Variants in KNTC1 observed in about 807,000 individuals in gnomAD.
The protein encoded by KNTC1 is kinetochore-associated protein 1.
Under a neutral mutation model 314.4 loss-of-function variants are expected in KNTC1, and 253 were observed. That is an observed-to-expected ratio of 0.80 (90% CI 0.73 to 0.89). KNTC1 has a LOEUF of 0.89. KNTC1 is among the 40% of genes least tolerant of loss of function. The probability of loss-of-function intolerance (pLI) is 0.00; values close to 1 mark genes in which losing one functional copy is unlikely to be tolerated. For synonymous variants in KNTC1, 901 were observed against 901.4 expected (o/e 1.00, Z 0.01); for missense variants, 2,475 against 2,572.9 (o/e 0.96, Z 0.82).
At chr12:122,567,259 A>G (rs1054787545) in intron 20 of KNTC1, among the ~76,000 whole-genome samples, 6 of 151,434 alleles carry the variant, frequency 4.0e-5, no homozygotes, top group African/African-American at 1.5e-4. Flanking sequence ...TAATAGAGAC[A>G]GGGTTTCACC....
At chr12:122,597,181 T>G (rs1162155912) in intron 43 of KNTC1, 2 of 152,694 alleles carry the variant, frequency 1.3e-5, no homozygotes, top group African/African-American at 4.8e-5. Context: ...ATTTTCAATT[T>G]TATTACAGAT....
In KNTC1 at chr12:122,573,011, G is replaced by A; in HGVS notation, c.2094G>A (p.Leu698=). ...LVNNLRELIT[L]HRKYNCKLAL... is the part of the protein sequence containing the mutation. ...ATAACTTGCGAGAGTTGATCACGTT[G>A]CATAGGAAGTACAACTGCAAATTAG... Residue 698 remains leucine (L), a synonymous_variant, in exon 25 of 64, where the codon TTG becomes TTA. Coordinates refer to ENST00000333479, the MANE Select transcript of KNTC1 (RefSeq NM_014708.6). 6.2e-7 allele frequency: 1 copy of A among 1,610,944 alleles called. No homozygotes were observed. Among genetic ancestry groups the A allele is most frequent in the Non-Finnish European group, 8.5e-7 (1 of 1,178,200 alleles).
chr12:122,622,436 T>C (rs1295504941), intron 61 of KNTC1, 26 bp from the exon 62 acceptor site: 3 of 1,503,384 alleles, frequency 2.0e-6, no homozygotes, highest in Non-Finnish European at 2.7e-6. Flanking sequence ...AGAAGTCTGA[T>C]CTTAATGATA....
At chr12:122,577,163 T>C (rs1965087283) in intron 30 of KNTC1, 134 bp downstream of exon 30, 2 of 617,302 alleles carry the variant, frequency 3.2e-6, no homozygotes, top group African/African-American at 1.9e-5. Flanking sequence ...TTGGTCACGC[T>C]GGTCTCAAAC....
At position 122,574,109 on chromosome 12, in the gene KNTC1, A is replaced by G. The variant is rs148688573; in HGVS notation, c.2284-173A>G. ...TAAAACTAAAGGCTAATGTTTTGGC[A>G]GTTTTGTATTTTTAGACCATTGTTC... On this transcript the variant is annotated intron_variant, in intron 26 of 63. Transcript: ENST00000333479. 8.6e-3 allele frequency among the ~76,000 whole-genome samples: 1,309 copies of G among 152,240 alleles called. 17 individuals are homozygous for G. Among genetic ancestry groups the G allele is most frequent in the African/African-American group, 0.03 (1,266 of 41,552 alleles).
intron 61 of KNTC1, 65 bp downstream of exon 61, chr12:122,622,035 C>A: frequency 3.5e-6 from 4 of 1,143,534 alleles, no homozygotes; most frequent in South Asian, 1.4e-5. Flanking sequence ...GTCATTTTCC[C>A]AAACCAAGAG....
chr12:122,541,429 C>G (rs1244899135), intron 5 of KNTC1, among the ~76,000 whole-genome samples: 1 of 151,256 alleles, frequency 6.6e-6, no homozygotes, highest in African/African-American at 2.4e-5. Context: ...TCACTGCAAC[C>G]TCCACTACCC....
At chr12:122,540,480 T>A (rs1326558033) in intron 5 of KNTC1, among the ~76,000 whole-genome samples, 1 of 152,194 alleles carries the variant, frequency 6.6e-6, no homozygotes, top group African/African-American at 2.4e-5. Context: ...TTATACATTT[T>A]TTTCTATCAA....
intron 9 of KNTC1, 65 bp from the exon 10 acceptor site, chr12:122,546,556 GT>G: frequency 1.9e-6 from 2 of 1,068,150 alleles, no homozygotes; most frequent in Non-Finnish European, 2.7e-6. Context: ...GAATATGTTA[GT>G]TTTTTATTTA....
At chr12:122,612,414 CTTTTTCTTT>C (rs775535115) in intron 53 of KNTC1, among the ~76,000 whole-genome samples, 2 of 144,694 alleles carry the variant, frequency 1.4e-5, no homozygotes, top group Admixed American at 7.0e-5. Flanking sequence ...TTTTCTTTTT[CTTTTTCTTT>C]TTTTTTTTTT....
chr12:122,615,650 A>G lies in KNTC1; in HGVS notation c.6030+124A>G, dbSNP rs750485256. 1.0e-5 allele frequency: 9 copies of G among 898,044 alleles called. No individual in the cohort carries two copies. The highest frequency in any genetic ancestry group is 4.2e-5 in the South Asian group (2 of 47,888). The allele number at this position is 898,044 out of a possible 1,614,324, so 55.6% of individuals were successfully genotyped here. On this transcript the variant is annotated intron_variant, in intron 57 of 63. Transcript: ENST00000333479. ...TAAATAACAGAACTGAGCCAAGTAC[A>G]GTGGCTCACTCCTGTAACCCCAACG...
rs531008698 is a variant in KNTC1, at chr12:122,573,316, C to G, written c.2283+31C>G. ...TTTTCCTTTACATCTAGTCTTATTT[C>G]TTGGATCTATGCAGTGTAGCACTGT... is the stretch of plus-strand genomic sequence containing the variant. On this transcript the variant is annotated intron_variant, in intron 26 of 63. Transcript: ENST00000333479. 7.5e-6 allele frequency: 12 copies of G among 1,597,172 alleles called. No individual in the cohort carries two copies. In the South Asian group the frequency reaches 1.3e-4, roughly 18 times the overall value.
chr12:122,562,229 G>C (rs1377198730), intron 19 of KNTC1, among the ~76,000 whole-genome samples: 1 of 152,224 alleles, frequency 6.6e-6, no homozygotes, highest in Non-Finnish European at 1.5e-5. Flanking sequence ...CTGCGATGTT[G>C]ATTATGATGG....
intron 9 of KNTC1, 40 bp from the exon 10 acceptor site, chr12:122,546,582 T>A (rs1268356055): frequency 6.2e-6 from 8 of 1,281,262 alleles, no homozygotes; most frequent in Non-Finnish European, 8.8e-6. Flanking sequence ...TATGAAATAT[T>A]GAAATAAAAT....
At chr12:122,623,680 A>G (rs1309082675) in intron 62 of KNTC1, among the ~76,000 whole-genome samples, 2 of 152,312 alleles carry the variant, frequency 1.3e-5, no homozygotes, top group Non-Finnish European at 2.9e-5. Flanking sequence ...TGTGAAGTTG[A>G]TTACATGAAT....
rs1475379925 is a variant in KNTC1 at position 122,547,907 on chromosome 12, T to C, written c.933-8T>C. ...CTTGAATTATTTAAAGGTTCTTTTC[T>C]CTTTTAGGCAAGGAATTACAAATCT... On this transcript the variant is annotated splice_region_variant and splice_polypyrimidine_tract_variant and intron_variant, in intron 11 of 63. Coordinates refer to ENST00000333479, the MANE Select transcript of KNTC1 (RefSeq NM_014708.6). 2.7e-6 allele frequency: 4 copies of C among 1,489,594 alleles called. No individual in the cohort carries two copies. In the East Asian group the frequency reaches 9.4e-5, roughly 35 times the overall value. 92.3% of individuals were successfully genotyped at this position (1,489,594 alleles called of 1,614,324 possible).
intron 54 of KNTC1, 77 bp downstream of exon 54, chr12:122,613,307 A>C: frequency 2.1e-6 from 2 of 973,026 alleles, no homozygotes; most frequent in Non-Finnish European, 3.2e-6. Flanking sequence ...TAAGCCCTGA[A>C]TTCAGAAGAG....
chr12:122,594,772 A>C (rs1870796713), intron 43 of KNTC1, among the ~76,000 whole-genome samples: 3 of 152,262 alleles, frequency 2.0e-5, no homozygotes, highest in Admixed American at 2.0e-4. Flanking sequence ...AAACTTCTAA[A>C]TCAGGTTAAC....
rs146912065 is a variant in KNTC1, at chr12:122,540,247, A to G, written c.445+493A>G. On this transcript the variant is annotated intron_variant, in intron 5 of 63. Transcript: ENST00000333479. ...GAGTGCAATGGCACGACCTCGGCTC[A>G]CTGAAACCTCTGCCTCCTGAGTTCA... 6.2e-3 allele frequency among the ~76,000 whole-genome samples: 915 copies of G among 147,426 alleles called. 14 individuals are homozygous for G. The highest frequency in any genetic ancestry group is 0.022 in the African/African-American group (875 of 39,450).
Sources: allele counts gnomAD v4.1 joint callset (sites outside exome capture counted in the v4.1 genomes callset), GRCh38; gene constraint gnomAD v4.1.1; transcripts MANE v1.5; gene names NCBI Gene and HGNC (gene_info 2026-07-23, HGNC 2026-07-21).